The following AGMO variants were observed in gnomAD, a reference collection of about 807,000 sequenced individuals.
AGMO encodes glyceryl-ether monooxygenase.
In AGMO, 75 loss-of-function variants were observed where a neutral mutation model predicts 60.2. That is an observed-to-expected ratio of 1.25 (90% CI 1.03 to 1.51). AGMO has a LOEUF of 1.51. Among genes scored for constraint, AGMO ranks in the 40% most tolerant of loss-of-function variants. The pLI is 0.00. For missense variants in AGMO, 763 were observed against 525.5 expected (o/e 1.45, Z -4.42); for synonymous variants, 261 against 177.1 (o/e 1.47, Z -3.76).
intron 10 of AGMO, among the ~76,000 whole-genome samples, chr7:15,378,639 C>G (rs1256272836): frequency 6.6e-6 from 1 of 151,778 alleles, no homozygotes; most frequent in East Asian, 1.9e-4. Context: ...ATCATCCAGA[C>G]AGAGAATTAA....
At position 15,338,059 on chromosome 7, in the gene AGMO, G is replaced by T. The variant is rs77638585; in HGVS notation, c.1263+27455C>A. 4.9e-3 allele frequency among the ~76,000 whole-genome samples: 748 copies of T among 152,226 alleles called. 10 individuals carry two copies. The highest frequency in any genetic ancestry group is 0.017 in the African/African-American group (703 of 41,546). On this transcript the variant is annotated intron_variant, in intron 12 of 12. Coordinates refer to ENST00000342526, the MANE Select transcript of AGMO (RefSeq NM_001004320.2). ...AGGAATGTTTTATAAATTACTTTTA[G>T]AGTATGTTCATGTATGTGAACAAAT... is the stretch of plus-strand genomic sequence containing the variant.
intron 3 of AGMO, among the ~76,000 whole-genome samples, chr7:15,460,106 CT>C (rs67388173): frequency 3.3e-5 from 4 of 121,694 alleles, no homozygotes; most frequent in African/African-American, 6.5e-5. Context: ...CCAATTTCCC[CT>C]TTTTTTTTTG....
At chr7:15,195,515 A>G (rs1177955025), downstream of AGMO, among the ~76,000 whole-genome samples, 1 of 152,222 alleles carries the variant, frequency 6.6e-6, no homozygotes, top group Non-Finnish European at 1.5e-5. Flanking sequence ...TTTATTATGC[A>G]AATGGGTTTT....
intron 3 of AGMO, among the ~76,000 whole-genome samples, chr7:15,473,826 A>G (rs1782519441): frequency 6.6e-6 from 1 of 151,978 alleles, no homozygotes; most frequent in East Asian, 1.9e-4. Flanking sequence ...TCAGCCTAAA[A>G]TCTTAAGCTG....
chr7:15,192,479 T>C, the AGMO span, among the ~76,000 whole-genome samples: 45 of 152,174 alleles, frequency 3.0e-4, 2 homozygotes, highest in South Asian at 8.7e-3. Flanking sequence ...CTAGCTCCTT[T>C]CTAGCTCCCC....
At chr7:15,258,400 T>A (rs1229130853) in intron 12 of AGMO, among the ~76,000 whole-genome samples, 7 of 151,762 alleles carry the variant, frequency 4.6e-5, no homozygotes, top group African/African-American at 1.7e-4. Flanking sequence ...TTAAAAATAC[T>A]GATTCGTGGT....
chr7:15,306,726 A>G (rs1583387868), intron 12 of AGMO, among the ~76,000 whole-genome samples: 1 of 152,162 alleles, frequency 6.6e-6, no homozygotes, highest in South Asian at 2.1e-4. Flanking sequence ...ACTATTTTAG[A>G]TTGTACTAGT....
chr7:15,284,110 A>G (rs1225610034), intron 12 of AGMO, among the ~76,000 whole-genome samples: 1 of 152,106 alleles, frequency 6.6e-6, no homozygotes, highest in Non-Finnish European at 1.5e-5. Flanking sequence ...GTAGTGCTAA[A>G]TGCCTCCATC....
At chr7:15,519,399 G>A (rs1483869605) in intron 3 of AGMO, among the ~76,000 whole-genome samples, 2 of 152,064 alleles carry the variant, frequency 1.3e-5, no homozygotes, top group Non-Finnish European at 2.9e-5. Flanking sequence ...GTTAAGGACA[G>A]CCAGAGAATA....
At position 15,365,597 on chromosome 7, in the gene AGMO, T is replaced by C; in HGVS notation, c.1180A>G (p.Thr394Ala). 6.2e-7 allele frequency: 1 copy of C among 1,609,798 alleles called. No homozygotes were observed. Among genetic ancestry groups the C allele is most frequent in the Non-Finnish European group, 8.5e-7 (1 of 1,177,882 alleles). Residue 394 changes from threonine (T) to alanine (A), a missense_variant, in exon 12 of 13, where the codon ACT becomes GCT. By Grantham distance (58) the Thr-to-Ala change is moderately conservative (BLOSUM62 0). Coordinates refer to ENST00000342526, the MANE Select transcript of AGMO (RefSeq NM_001004320.2). ...ATTAAGAACATCAAGCAACGGAGAG[T>C]TTCCATAATAGCTGCCTTGGGTCTG... The part of the protein sequence containing the change: ...DQRPKAAIME[T>A]LRCLMFLMLY...
chr7:15,363,414 C>G (rs1056150968), intron 12 of AGMO, among the ~76,000 whole-genome samples: 1 of 152,100 alleles, frequency 6.6e-6, no homozygotes, highest in South Asian at 2.1e-4. Context: ...TACACATATT[C>G]TCTTATTTAA....
At chr7:15,140,447 T>C in the AGMO span, among the ~76,000 whole-genome samples, 1 of 152,192 alleles carries the variant, frequency 6.6e-6, no homozygotes, top group Non-Finnish European at 1.5e-5. Context: ...ATAGAAAATA[T>C]AGTGGTAATC....
chr7:15,174,172 C>A, the AGMO span, among the ~76,000 whole-genome samples: 1 of 151,248 alleles, frequency 6.6e-6, no homozygotes, highest in East Asian at 1.9e-4. Context: ...TTAATATATC[C>A]CCCAAATATA....
At chr7:15,289,719 T>G (rs1352075245) in intron 12 of AGMO, among the ~76,000 whole-genome samples, 2 of 152,076 alleles carry the variant, frequency 1.3e-5, no homozygotes, top group African/African-American at 4.8e-5. Flanking sequence ...AGGTAAATAC[T>G]GAATTATTGT....
chr7:15,135,878 T>C, the AGMO span, among the ~76,000 whole-genome samples: 1 of 151,866 alleles, frequency 6.6e-6, no homozygotes, highest in African/African-American at 2.4e-5. Flanking sequence ...AAATACTTGC[T>C]ACTTATTATT....
the AGMO span, among the ~76,000 whole-genome samples, chr7:15,194,147 T>G: frequency 6.6e-6 from 1 of 152,156 alleles, no homozygotes; most frequent in Admixed American, 6.5e-5. Flanking sequence ...TTTTAATTTG[T>G]AATGATCAAG....
At chr7:15,436,845 A>G (rs1461240950) in intron 3 of AGMO, among the ~76,000 whole-genome samples, 2 of 152,122 alleles carry the variant, frequency 1.3e-5, no homozygotes, top group Non-Finnish European at 2.9e-5. Flanking sequence ...CATATGTAAA[A>G]GGGATTAAAG....
At chr7:15,413,522 A>G (rs995960997) in intron 5 of AGMO, among the ~76,000 whole-genome samples, 2 of 152,176 alleles carry the variant, frequency 1.3e-5, no homozygotes, top group Non-Finnish European at 2.9e-5. Context: ...GGCACGTTGT[A>G]GTCAAACTGC....
At chr7:15,252,269 G>A (rs1488847157) in intron 12 of AGMO, among the ~76,000 whole-genome samples, 1 of 152,208 alleles carries the variant, frequency 6.6e-6, no homozygotes, top group Admixed American at 6.5e-5. Flanking sequence ...ATCTTAAACA[G>A]GGTGGTCAAG....
Sources: allele counts gnomAD v4.1 joint callset (sites outside exome capture counted in the v4.1 genomes callset), GRCh38; gene constraint gnomAD v4.1.1; transcripts MANE v1.5; gene names NCBI Gene and HGNC (gene_info 2026-07-23, HGNC 2026-07-21).